Variants in ATP7A observed in about 807,000 individuals in gnomAD.
The protein encoded by ATP7A is copper-transporting ATPase 1.
A neutral mutation model predicts 83.5 loss-of-function variants in ATP7A; 7 were observed. That is an observed-to-expected ratio of 0.08 (90% CI 0.05 to 0.16). The LOEUF (loss-of-function observed/expected upper bound fraction) is 0.16, where lower values mean the gene tolerates loss of function less well. ATP7A is among the 10% of genes least tolerant of loss of function. The probability of loss-of-function intolerance (pLI) is 1.00; values close to 1 mark genes in which losing one functional copy is unlikely to be tolerated. For missense variants in ATP7A, 940 were observed against 1,120.8 expected (o/e 0.84, Z 2.30); for synonymous variants, 354 against 395.2 (o/e 0.90, Z 1.24).
rs781960299 is a variant in ATP7A, at chrX:77,961,127, G to A, written c.-21-10494G>A. Among the ~76,000 whole-genome samples the A allele has an allele frequency of 1.5e-4, 17 of 111,562 alleles. No individual in the cohort carries two copies. The South Asian group carries it at 6.4e-3, about 42-fold the overall frequency. ...AACAATGCAGGTGAATTACGAAAGC[G>A]AAAGAAATATGTATTCAGAATTGAT... On this transcript the variant is annotated intron_variant, in intron 1 of 22. Transcript: ENST00000341514.
intron 1 of ATP7A, among the ~76,000 whole-genome samples, chrX:77,911,273 C>T (rs1421955841): frequency 8.9e-6 from 1 of 112,209 alleles, no homozygotes; most frequent in Non-Finnish European, 1.9e-5. Flanking sequence ...GCTCTGGGAG[C>T]GTAAGGTAAA....
intron 11 of ATP7A, among the ~76,000 whole-genome samples, chrX:78,015,351 C>G: frequency 8.9e-6 from 1 of 111,920 alleles, no homozygotes; most frequent in Non-Finnish European, 1.9e-5. Context: ...TTAACTTGTT[C>G]TATAACTCCT....
chrX:77,991,374 C>A (rs1557232058), intron 4 of ATP7A, among the ~76,000 whole-genome samples: 1 of 112,144 alleles, frequency 8.9e-6, no homozygotes, highest in East Asian at 2.8e-4. Context: ...CAAGGTCCAT[C>A]CATGTTGTAG....
At chrX:78,009,007 G>C (rs1281288222) in intron 6 of ATP7A, 95 bp from the exon 7 acceptor site, 1 of 947,829 alleles carries the variant, frequency 1.1e-6, no homozygotes, top group South Asian at 2.1e-5. Flanking sequence ...CAGAGCGAGA[G>C]ACTCTGTCTC....
rs1206734459 is a variant in ATP7A, at chrX:77,969,101, G to A, written c.-21-2520G>A. The A allele has an allele frequency of 7.4e-6, 9 of 1,209,988 alleles. No homozygotes were observed. The East Asian group carries it at 1.8e-4, about 24-fold the overall frequency. ...TTGCCATGGGCTGCAATCAGTACACGTTTCCCCTCCTTGATCTGGGGAACT... is the reference window on the plus strand; with the variant it reads ...TTGCCATGGGCTGCAATCAGTACACATTTCCCCTCCTTGATCTGGGGAACT... On this transcript the variant is annotated intron_variant, in intron 1 of 22. Transcript: ENST00000341514.
intron 1 of ATP7A, among the ~76,000 whole-genome samples, chrX:77,939,323 C>T (rs782031295): frequency 9.0e-6 from 1 of 110,786 alleles, no homozygotes; most frequent in South Asian, 3.8e-4. Flanking sequence ...CATATATCCA[C>T]TTATTTTTGC....
chrX:77,982,700 C>A (rs1446167231), intron 2 of ATP7A, among the ~76,000 whole-genome samples: 1 of 112,084 alleles, frequency 8.9e-6, no homozygotes, highest in East Asian at 2.8e-4. Flanking sequence ...TTAGCATAAT[C>A]ATTTATAGAT....
intron 1 of ATP7A, chrX:77,968,983 T>G: frequency 8.3e-7 from 1 of 1,210,867 alleles, no homozygotes; most frequent in Non-Finnish European, 1.1e-6. Context: ...CTTGTCCAAT[T>G]CATAGACGAT....
chrX:78,037,766 G>A (rs1162361671), intron 17 of ATP7A, among the ~76,000 whole-genome samples: 1 of 110,272 alleles, frequency 9.1e-6, no homozygotes, highest in Non-Finnish European at 1.9e-5. Context: ...TAACTATTAG[G>A]ATTATTAAAG....
At chrX:78,034,773 T>C (rs2078003047) in intron 17 of ATP7A, among the ~76,000 whole-genome samples, 1 of 107,136 alleles carries the variant, frequency 9.3e-6, no homozygotes, top group Non-Finnish European at 1.9e-5. Flanking sequence ...AGAAGGAGTC[T>C]TGCTCTGTCA....
chrX:77,950,837 C>T (rs1295690792), intron 1 of ATP7A, among the ~76,000 whole-genome samples: 1 of 110,511 alleles, frequency 9.0e-6, no homozygotes, highest in Admixed American at 9.8e-5. Context: ...TCCTGGCCAA[C>T]ATGGTGAAAC....
intron 6 of ATP7A, among the ~76,000 whole-genome samples, chrX:78,004,429 C>T (rs1437841024): frequency 8.9e-6 from 1 of 112,072 alleles, no homozygotes; most frequent in African/African-American, 3.2e-5. Context: ...AAATCTTGTA[C>T]CAAAATAAGT....
intron 1 of ATP7A, among the ~76,000 whole-genome samples, chrX:77,967,154 G>A (rs1322514038): frequency 1.8e-5 from 2 of 111,693 alleles, no homozygotes; most frequent in Admixed American, 9.5e-5. Flanking sequence ...GTCTATCATT[G>A]ATGGGCATTT....
At chrX:77,955,405 GTTTCTTAGAACATT>G (rs2077435582) in intron 1 of ATP7A, among the ~76,000 whole-genome samples, 2 of 111,344 alleles carry the variant, frequency 1.8e-5, no homozygotes, top group Non-Finnish European at 3.8e-5. Flanking sequence ...TTAGAACAAT[GTTTCTTAGAACATT>G]TTTCTTAGAA....
chrX:78,037,980 G>GTTTTTTTTTTTTTT lies in ATP7A; in HGVS notation c.3512-843_3512-830dup, dbSNP rs782643561. Among the ~76,000 whole-genome samples, 333 of 51,198 alleles carry GTTTTTTTTTTTTTT rather than the reference G, an allele frequency of 6.5e-3. 55 individuals carry two copies. The highest frequency in any genetic ancestry group is 0.015 in the Middle Eastern group (1 of 68). The allele number at this position is 51,198 out of a possible 115,157, so 44.5% of individuals were successfully genotyped here. ...AGAGAGGTGGGTGAGATCAAGAAAG[G>GTTTTTTTTTTTTTT]TTTTTTTTTTTTTTTTTTTTTTTTT... On this transcript the variant is annotated intron_variant, in intron 17 of 22. Coordinates refer to ENST00000341514, the MANE Select transcript of ATP7A (RefSeq NM_000052.7).
At chrX:78,040,205 C>G (rs1162901676) in intron 18 of ATP7A, among the ~76,000 whole-genome samples, 2 of 102,060 alleles carry the variant, frequency 2.0e-5, no homozygotes, top group Admixed American at 1.1e-4. Context: ...CTCTGCCCCC[C>G]CCCCCTTACC....
intron 2 of ATP7A, among the ~76,000 whole-genome samples, chrX:77,975,180 C>T (rs1603379319): frequency 2.7e-5 from 3 of 111,683 alleles, no homozygotes; most frequent in African/African-American, 9.7e-5. Flanking sequence ...TGGATTGGAA[C>T]TTCCTAGTAT....
Position 77,998,693 on chromosome X carries a change from C to G in ATP7A, c.1543+9C>G, listed in dbSNP as rs367977602. 1.8e-5 allele frequency: 22 copies of G among 1,203,944 alleles called. No homozygotes were observed. The highest frequency in any genetic ancestry group is 2.5e-5 in the Non-Finnish European group (22 of 890,098). On this transcript the variant is annotated intron_variant, in intron 5 of 22. Transcript: ENST00000341514. ...TTTAAGGCGGGAAGAAGGTGAGACA[C>G]TCTTGAAGCTTGTTATTTTATGTGC...
At chrX:77,985,651 T>C (rs1376570554) in intron 2 of ATP7A, among the ~76,000 whole-genome samples, 2 of 111,316 alleles carry the variant, frequency 1.8e-5, no homozygotes, top group African/African-American at 3.3e-5. Flanking sequence ...TAATAGTTTT[T>C]TTTGTTTTAA....
Sources: gnomAD v4.1 joint callset for allele counts (sites outside exome capture counted in the v4.1 genomes callset) on GRCh38, gnomAD v4.1.1 for gene constraint, MANE v1.5 for transcripts, NCBI Gene and HGNC (gene_info 2026-07-23, HGNC 2026-07-21) for gene names.